AGPAT1: variants seen among roughly 807,000 people sequenced by gnomAD.
AGPAT1 encodes the protein 1-acylglycerol-3-phosphate O-acyltransferase 1.
A neutral mutation model predicts 31.2 loss-of-function variants in AGPAT1; 6 were observed. That is an observed-to-expected ratio of 0.19 (90% CI 0.11 to 0.38). The LOEUF (loss-of-function observed/expected upper bound fraction) is 0.38. AGPAT1 is among the 10% of genes least tolerant of loss of function. AGPAT1 has a pLI of 1.00. For synonymous variants in AGPAT1, 139 were observed against 154.0 expected (o/e 0.90, Z 0.72); for missense variants, 187 against 377.8 (o/e 0.49, Z 4.19).
Position 32,169,226 on chromosome 6 carries a change from G to A in AGPAT1, c.*50C>T. The A allele has an allele frequency of 6.3e-7, 1 of 1,591,130 alleles. No homozygotes were observed. Among genetic ancestry groups the A allele is most frequent in the Non-Finnish European group, 8.6e-7 (1 of 1,164,274 alleles). On this transcript the variant is annotated 3_prime_UTR_variant, in exon 7 of 7. Transcript: ENST00000375107. The surrounding 1 kb of genome is among the most constrained non-coding windows in gnomAD (Gnocchi z 5.9). ...GCTTCAGGGCCCACTGGGTGGGTAG[G>A]TGTGGGGAGGAAGATGGGGACAGAT...
Position 32,171,813 on chromosome 6 carries a change from A to C in AGPAT1, c.-9-308T>G. ...TAAATGACAACAAGAATAATAGCTAACACTTGTAGCTGGTAAGGGTCTTAT... is the reference window on the plus strand; with the variant it reads ...TAAATGACAACAAGAATAATAGCTACCACTTGTAGCTGGTAAGGGTCTTAT... On this transcript the variant is annotated intron_variant, in intron 1 of 6. Transcript: ENST00000375107. This position sits in a 1 kb window ranked among gnomAD's most constrained non-coding sequence, Gnocchi z 6.9. 1.9e-6 allele frequency: 1 copy of C among 525,894 alleles called. No homozygotes were observed. The highest frequency in any genetic ancestry group is 3.4e-6 in the Non-Finnish European group (1 of 292,236). The allele number at this position is 525,894 out of a possible 1,614,324, so 32.6% of individuals were successfully genotyped here.
Position 32,171,426 on chromosome 6 carries a change from G to A in AGPAT1, c.71C>T (p.Thr24Ile), listed in dbSNP as rs760144285. 5.6e-6 allele frequency: 9 copies of A among 1,612,976 alleles called. No homozygotes were observed. Among genetic ancestry groups the A allele is most frequent in the East Asian group, 2.2e-5 (1 of 44,900 alleles). ...GGCACTGGGGCTGCAGAACCACAGG[G>A]TGGGCAGCAGGAAGAGCAGCAGCAG... is the stretch of plus-strand genomic sequence containing the variant. ...LFLLLLFLLP[T>I]LWFCSPSAKY... Residue 24 changes from threonine (T) to isoleucine (I), a missense_variant, in exon 2 of 7, where the codon ACC becomes ATC. This residue lies in a region of AGPAT1 where 45 missense variants were observed against 60.9 expected (regional missense o/e 0.74). Transcript: ENST00000375107. This position sits in a 1 kb window ranked among gnomAD's most constrained non-coding sequence, Gnocchi z 6.9.
At chr6:32,177,775 C>G (rs1785710406), upstream of AGPAT1, 1 of 152,200 alleles carries the variant, frequency 6.6e-6, no homozygotes, top group African/African-American at 2.4e-5. Flanking sequence ...CCGTCTTTCC[C>G]GATGTCGGCC....
rs753269798 is a variant in AGPAT1 at position 32,170,477 on chromosome 6, C to A, written c.458G>T (p.Gly153Val). ...CTCAGACATGACACTGATGGCATCC[C>A]CCGTGCGCTTCCGGTCGATGAAGAT... Reference protein sequence around the residue: ...GVIFIDRKRTGDAISVMSEVA... With the variant: ...GVIFIDRKRTVDAISVMSEVA... Residue 153 changes from glycine to valine, a missense_variant, in exon 4 of 7, where the codon GGG becomes GTG. Around this residue, in one of 3 missense-constraint regions of AGPAT1, gnomAD observed 113 missense variants for 283.1 expected, o/e 0.40. Transcript: ENST00000375107. This position sits in a 1 kb window ranked among gnomAD's most constrained non-coding sequence, Gnocchi z 7.7. The A allele has an allele frequency of 1.2e-6, 2 of 1,613,000 alleles. No individual in the cohort carries two copies. The highest frequency in any genetic ancestry group is 2.2e-5 in the South Asian group (2 of 91,086).
upstream of AGPAT1, chr6:32,176,193 A>T (rs1047348012): frequency 1.0e-6 from 1 of 968,880 alleles, no homozygotes; most frequent in African/African-American, 1.8e-5. Context: ...AAACTCTGGC[A>T]TCTCCTCCCC....
rs984819669 is a variant in AGPAT1, at chr6:32,174,388, T to A, written c.-10+1426A>T. Among the ~76,000 whole-genome samples, 1 of 152,138 alleles carries A rather than the reference T, an allele frequency of 6.6e-6. No homozygotes were observed. The highest frequency in any genetic ancestry group is 6.5e-5 in the Admixed American group (1 of 15,280). On this transcript the variant is annotated intron_variant, in intron 1 of 6. Coordinates refer to ENST00000375107, the MANE Select transcript of AGPAT1 (RefSeq NM_006411.4). The surrounding 1 kb of genome is among the most constrained non-coding windows in gnomAD (Gnocchi z 4.5). ...TGGTAACCGACTCTGAATAGATACATGCAATACATAGCCATAATGAAGGCA... is the reference window on the plus strand; with the variant it reads ...TGGTAACCGACTCTGAATAGATACAAGCAATACATAGCCATAATGAAGGCA...
chr6:32,170,128 T>C lies in AGPAT1; in HGVS notation c.606+37A>G, dbSNP rs1027228711. On this transcript the variant is annotated intron_variant, in intron 5 of 6. Transcript: ENST00000375107. The surrounding 1 kb of genome is among the most constrained non-coding windows in gnomAD (Gnocchi z 7.7). ...CCCAGAGATGAGGGAATGGTGGGGG[T>C]TGGCAGCTGAGTAGCAGAACGAAGA... The C allele has an allele frequency of 3.7e-6, 6 of 1,611,826 alleles. No homozygotes were observed. Among genetic ancestry groups the C allele is most frequent in the East Asian group, 2.2e-5 (1 of 44,860 alleles).
chr6:32,173,807 C>T lies in AGPAT1; in HGVS notation c.-10+2007G>A, dbSNP rs1191866414. On this transcript the variant is annotated intron_variant, in intron 1 of 6. Coordinates refer to ENST00000375107, the MANE Select transcript of AGPAT1 (RefSeq NM_006411.4). The surrounding 1 kb of genome is among the most constrained non-coding windows in gnomAD (Gnocchi z 4.7). Reference sequence around the variant, plus strand: ...TTCCTTACACTTTTATCTTGATCAGCGGGTCTCGAAGTATAGAAATGCAAA... The same window carrying T: ...TTCCTTACACTTTTATCTTGATCAGTGGGTCTCGAAGTATAGAAATGCAAA... 1.3e-5 allele frequency among the ~76,000 whole-genome samples: 2 copies of T among 152,174 alleles called. No individual in the cohort carries two copies. The highest frequency in any genetic ancestry group is 2.9e-5 in the Non-Finnish European group (2 of 68,040).
In AGPAT1 at chr6:32,169,840, G is replaced by A; in HGVS notation, c.679+126C>T. On this transcript the variant is annotated intron_variant, in intron 6 of 6. Coordinates refer to ENST00000375107, the MANE Select transcript of AGPAT1 (RefSeq NM_006411.4). This position sits in a 1 kb window ranked among gnomAD's most constrained non-coding sequence, Gnocchi z 5.9. Reference sequence around the variant, plus strand: ...TTAGTAAAGACTTATTGGCTGATGTGGGGTTAGACTAGATGACTGTGTAGA... The same window carrying A: ...TTAGTAAAGACTTATTGGCTGATGTAGGGTTAGACTAGATGACTGTGTAGA... 1.2e-6 allele frequency: 1 copy of A among 862,716 alleles called. No individual in the cohort carries two copies. Among genetic ancestry groups the A allele is most frequent in the Non-Finnish European group, 1.8e-6 (1 of 541,884 alleles). 53.4% of individuals were successfully genotyped at this position (862,716 alleles called of 1,614,324 possible). A position where few individuals can be genotyped will look rare whatever the true frequency, so the allele number is the denominator to read the frequency against.
At position 32,173,413 on chromosome 6, in the gene AGPAT1, A is replaced by G. The variant is rs753493522; in HGVS notation, c.-9-1908T>C. ...TCCATCCCACTGCCCCTACAAGTTC[A>G]GAACAGCATCATTTCTCCCCTGAAC... On this transcript the variant is annotated intron_variant, in intron 1 of 6. Coordinates refer to ENST00000375107, the MANE Select transcript of AGPAT1 (RefSeq NM_006411.4). The surrounding 1 kb of genome is among the most constrained non-coding windows in gnomAD (Gnocchi z 4.7). 1.3e-5 allele frequency among the ~76,000 whole-genome samples: 2 copies of G among 152,200 alleles called. No individual in the cohort carries two copies. Among genetic ancestry groups the G allele is most frequent in the Non-Finnish European group, 2.9e-5 (2 of 68,030 alleles).
upstream of AGPAT1, chr6:32,177,363 C>A: frequency 2.9e-6 from 1 of 340,998 alleles, no homozygotes; most frequent in Admixed American, 4.8e-5. Flanking sequence ...GCGGGTCTAG[C>A]CTCCGCGGGT....
At chr6:32,177,438 T>A (rs1441018934), upstream of AGPAT1, 3 of 231,190 alleles carry the variant, frequency 1.3e-5, no homozygotes, top group African/African-American at 2.2e-5. Context: ...CCCAGAGCTT[T>A]CCTGCTCTGA....
In AGPAT1 at chr6:32,169,014, C is replaced by T; in HGVS notation, c.*262G>A. 1.9e-6 allele frequency: 1 copy of T among 529,516 alleles called. No homozygotes were observed. Among genetic ancestry groups the T allele is most frequent in the East Asian group, 3.0e-5 (1 of 33,794 alleles). The allele number at this position is 529,516 out of a possible 1,614,324, so 32.8% of individuals were successfully genotyped here. A position where few individuals can be genotyped will look rare whatever the true frequency, so the allele number is the denominator to read the frequency against. The stretch of plus-strand genomic sequence containing the variant: ...TGAGTCACTGGAGATGAGGGGGAGG[C>T]AACTGTCCCACAGACAAGACAGTAG... On this transcript the variant is annotated 3_prime_UTR_variant, in exon 7 of 7. Coordinates refer to ENST00000375107, the MANE Select transcript of AGPAT1 (RefSeq NM_006411.4). The surrounding 1 kb of genome is among the most constrained non-coding windows in gnomAD (Gnocchi z 5.9).
rs1785422537 is a variant in AGPAT1 at position 32,175,159 on chromosome 6, C to T, written c.-10+655G>A. Among the ~76,000 whole-genome samples, 1 of 152,210 alleles carries T rather than the reference C, an allele frequency of 6.6e-6. No homozygotes were observed. The highest frequency in any genetic ancestry group is 2.1e-4 in the South Asian group (1 of 4,828). ...GGTGCAATATATGAAAACTCACACA[C>T]ATGCGGTACTTAAAACATGTCAAAA... On this transcript the variant is annotated intron_variant, in intron 1 of 6. Transcript: ENST00000375107. The surrounding 1 kb of genome is among the most constrained non-coding windows in gnomAD (Gnocchi z 4.5).
chr6:32,175,229 G>C lies in AGPAT1; in HGVS notation c.-10+585C>G, dbSNP rs1785429522. On this transcript the variant is annotated intron_variant, in intron 1 of 6. Transcript: ENST00000375107. This position sits in a 1 kb window ranked among gnomAD's most constrained non-coding sequence, Gnocchi z 4.5. ...ACAAGAATGAAGAATGGGCAATTCT[G>C]ATAGAAAATAACACACCATTTCTAC... Among the ~76,000 whole-genome samples, 2 of 152,120 alleles carry C rather than the reference G, an allele frequency of 1.3e-5. No individual in the cohort carries two copies. The highest frequency in any genetic ancestry group is 6.5e-5 in the Admixed American group (1 of 15,280).
Position 32,171,452 on chromosome 6 carries a change from G to A in AGPAT1, c.45C>T (p.Phe15=), listed in dbSNP as rs1785095210. ...TGGGCAGCAGGAAGAGCAGCAGCAG[G>A]AAGAGCAGCAGCAGCAGCATCCATG... ...PGAWMLLLLL[F]LLLLFLLPTL... Residue 15 remains phenylalanine, a synonymous_variant, in exon 2 of 7, where the codon TTC becomes TTT. Coordinates refer to ENST00000375107, the MANE Select transcript of AGPAT1 (RefSeq NM_006411.4). The surrounding 1 kb of genome is among the most constrained non-coding windows in gnomAD (Gnocchi z 6.9). The A allele has an allele frequency of 6.2e-7, 1 of 1,611,700 alleles. No homozygotes were observed. The highest frequency in any genetic ancestry group is 8.5e-7 in the Non-Finnish European group (1 of 1,179,502).
chr6:32,169,769 C>A lies in AGPAT1; in HGVS notation c.679+197G>T. 1 of 626,266 alleles carries A rather than the reference C, an allele frequency of 1.6e-6. No individual in the cohort carries two copies. Among genetic ancestry groups the A allele is most frequent in the East Asian group, 2.7e-5 (1 of 36,604 alleles). 38.8% of individuals were successfully genotyped at this position (626,266 alleles called of 1,614,324 possible). ...CCTGTTAAGATTAGTAACAGCCTCT[C>A]TTGGTGGGACCAAGTGCTACCCATC... is the stretch of plus-strand genomic sequence containing the variant. On this transcript the variant is annotated intron_variant, in intron 6 of 6. Coordinates refer to ENST00000375107, the MANE Select transcript of AGPAT1 (RefSeq NM_006411.4). The surrounding 1 kb of genome is among the most constrained non-coding windows in gnomAD (Gnocchi z 5.9).
Position 32,171,970 on chromosome 6 carries a change from C to G in AGPAT1, c.-9-465G>C. 1 of 184,940 alleles carries G rather than the reference C, an allele frequency of 5.4e-6. No homozygotes were observed. The highest frequency in any genetic ancestry group is 5.3e-5 in the Admixed American group (1 of 18,752). The allele number at this position is 184,940 out of a possible 1,614,324, so 11.5% of individuals were successfully genotyped here. ...CAGATTTCAAAGACTGAATAAAAAA[C>G]AAAATGTGAGATATCCATTACTAAT... On this transcript the variant is annotated intron_variant, in intron 1 of 6. Transcript: ENST00000375107. This position sits in a 1 kb window ranked among gnomAD's most constrained non-coding sequence, Gnocchi z 6.9.
In AGPAT1 at chr6:32,170,633, G is replaced by C. The variant is rs1785004489; in HGVS notation, c.335-33C>G. 1.2e-6 allele frequency: 2 copies of C among 1,604,938 alleles called. No individual in the cohort carries two copies. Among genetic ancestry groups the C allele is most frequent in the African/African-American group, 2.7e-5 (2 of 74,910 alleles). ...AGGGTGGGAGTGGGTGAGGATCGGG[G>C]TGGAGGCAGAGTGTCACAGAAGGCA... On this transcript the variant is annotated intron_variant, in intron 3 of 6. Transcript: ENST00000375107. The surrounding 1 kb of genome is among the most constrained non-coding windows in gnomAD (Gnocchi z 7.7).
Sources: gnomAD v4.1 joint callset for allele counts (sites outside exome capture counted in the v4.1 genomes callset) on GRCh38, gnomAD v4.1.1 for gene constraint, gnomAD v4.1.1 regional missense constraint, Gnocchi (gnomAD v3.1) non-coding constraint, MANE v1.5 for transcripts, NCBI Gene and HGNC (gene_info 2026-07-23, HGNC 2026-07-21) for gene names.